The following SORBS2 variants were observed in gnomAD, a reference collection of about 807,000 sequenced individuals.
SORBS2 encodes sorbin and SH3 domain containing 2, also known as sorbin and SH3 domain-containing protein 2.
Under a neutral mutation model 97.7 loss-of-function variants are expected in SORBS2, and 46 were observed. The observed-to-expected ratio is 0.47, with a 90% confidence interval of 0.37 to 0.60. The LOEUF (loss-of-function observed/expected upper bound fraction) is 0.60. Ranked by LOEUF, SORBS2 falls within the 20% of genes least tolerant of loss-of-function variation. The pLI is 0.00. For synonymous variants in SORBS2, 476 were observed against 473.4 expected (o/e 1.01, Z -0.07); for missense variants, 1,316 against 1,282.3 (o/e 1.03, Z -0.40).
At chr4:185,752,911 A>G (rs898523293) in intron 2 of SORBS2, among the ~76,000 whole-genome samples, 4 of 152,242 alleles carry the variant, frequency 2.6e-5, no homozygotes, top group African/African-American at 9.6e-5. Flanking sequence ...GAAATATGGC[A>G]TGCCTATTAT....
chr4:185,877,867 C>CAAAAAAAAAA (rs1491116547), intron 1 of SORBS2, among the ~76,000 whole-genome samples: 1,404 of 50,086 alleles, frequency 0.028, 77 homozygotes, highest in Non-Finnish European at 0.042. Flanking sequence ...GAGACTCTGT[C>CAAAAAAAAAA]AAAAAACAAA....
intron 4 of SORBS2, among the ~76,000 whole-genome samples, chr4:185,644,639 T>C (rs1467335757): frequency 1.3e-5 from 2 of 152,130 alleles, no homozygotes; most frequent in African/African-American, 4.8e-5. Context: ...ATCTGTAACA[T>C]GGAAATGCCA....
intron 1 of SORBS2, among the ~76,000 whole-genome samples, chr4:185,895,371 G>T (rs769255813): frequency 1.3e-5 from 2 of 152,202 alleles, no homozygotes; most frequent in African/African-American, 2.4e-5. Flanking sequence ...AGAAGACCAG[G>T]TAAGTCTTCC....
intron 4 of SORBS2, 61 bp downstream of exon 14, chr4:185,638,816 G>A: frequency 1.4e-6 from 2 of 1,389,940 alleles, no homozygotes; most frequent in African/African-American, 1.5e-5. Flanking sequence ...CTCTGAGCAA[G>A]CAAGGGCTGC....
At chr4:185,688,795 C>A (rs1382535763) in intron 2 of SORBS2, among the ~76,000 whole-genome samples, 5 of 120,690 alleles carry the variant, frequency 4.1e-5, no homozygotes, top group Non-Finnish European at 8.2e-5. Flanking sequence ...TTTATAAAAA[C>A]ATTATAATTA....
chr4:185,722,498 G>A (rs2098523325), intron 2 of SORBS2, among the ~76,000 whole-genome samples: 1 of 152,132 alleles, frequency 6.6e-6, no homozygotes, highest in African/African-American at 2.4e-5. Flanking sequence ...ATTTTCAGAA[G>A]TGTGAAAACT....
chr4:185,827,181 A>C (rs867188457), intron 1 of SORBS2, among the ~76,000 whole-genome samples: 3,601 of 18,744 alleles, frequency 0.19, 68 homozygotes, highest in African/African-American at 0.34. Flanking sequence ...CCATCATCAG[A>C]ATCACCATCA....
At chr4:185,590,537 T>C (rs1283087493) in intron 13 of SORBS2, among the ~76,000 whole-genome samples, 1 of 152,188 alleles carries the variant, frequency 6.6e-6, no homozygotes, top group African/African-American at 2.4e-5. Context: ...CTTTTTAAAA[T>C]GAGTCCCAGA....
intron 1 of SORBS2, among the ~76,000 whole-genome samples, chr4:185,877,844 TG>T (rs1407457127): frequency 1.6e-5 from 2 of 127,690 alleles, no homozygotes; most frequent in East Asian, 4.4e-4. Context: ...CACTCCAGCC[TG>T]GGTGACAGAG....
chr4:185,822,398 G>A (rs1403736735), intron 1 of SORBS2, among the ~76,000 whole-genome samples: 1 of 152,218 alleles, frequency 6.6e-6, no homozygotes, highest in Admixed American at 6.5e-5. Flanking sequence ...CAGCACATCA[G>A]GAGAGATGGC....
intron 1 of SORBS2, among the ~76,000 whole-genome samples, chr4:185,892,673 A>G (rs955293406): frequency 1.3e-5 from 2 of 152,220 alleles, no homozygotes; most frequent in Non-Finnish European, 2.9e-5. Flanking sequence ...CAGACACAGA[A>G]GGAAAAATCC....
intron 1 of SORBS2, among the ~76,000 whole-genome samples, chr4:185,908,298 T>TACATATATTTGTATACACACAA: frequency 1.0e-5 from 1 of 95,348 alleles, no homozygotes; most frequent in African/African-American, 3.9e-5. Context: ...TATATATATA[T>TACATATATTTGTATACACACAA]ATATATATAT....
chr4:185,685,304 A>G (rs1177839245), intron 2 of SORBS2, among the ~76,000 whole-genome samples: 1 of 152,218 alleles, frequency 6.6e-6, no homozygotes, highest in Non-Finnish European at 1.5e-5. Flanking sequence ...TCTAGCTGTT[A>G]TAATTCCCAA....
At chr4:185,705,936 G>A (rs561400521) in intron 2 of SORBS2, among the ~76,000 whole-genome samples, 4 of 152,166 alleles carry the variant, frequency 2.6e-5, no homozygotes, top group Non-Finnish European at 5.9e-5. Flanking sequence ...TATGTCACTT[G>A]AGGAATCTCT....
chr4:185,902,325 A>T (rs2099248188), intron 1 of SORBS2, among the ~76,000 whole-genome samples: 1 of 152,184 alleles, frequency 6.6e-6, no homozygotes, highest in Non-Finnish European at 1.5e-5. Flanking sequence ...GATGAGTAAG[A>T]ATTAATTAAA....
At chr4:185,602,960 C>T (rs1344020429) in intron 12 of SORBS2, among the ~76,000 whole-genome samples, 2 of 152,150 alleles carry the variant, frequency 1.3e-5, no homozygotes, top group Non-Finnish European at 2.9e-5. Context: ...CAGAGAAAAT[C>T]ACTTTGATTT....
At chr4:185,644,188 T>A (rs1240062072) in intron 4 of SORBS2, among the ~76,000 whole-genome samples, 1 of 152,160 alleles carries the variant, frequency 6.6e-6, no homozygotes, top group Non-Finnish European at 1.5e-5. Flanking sequence ...TTTGGTTCTT[T>A]CTATTTCTCC....
chr4:185,942,517 A>G (rs2099272564), intron 1 of SORBS2, among the ~76,000 whole-genome samples: 1 of 151,996 alleles, frequency 6.6e-6, no homozygotes, highest in Admixed American at 6.5e-5. Flanking sequence ...TGCCCAGCTG[A>G]CTTTTGTATT....
intron 12 of SORBS2, among the ~76,000 whole-genome samples, chr4:185,600,591 G>A (rs1313718105): frequency 6.6e-6 from 1 of 152,100 alleles, no homozygotes; most frequent in South Asian, 2.1e-4. Context: ...TGCCTGCCTC[G>A]GGCTCCCAAA....
Sources: gnomAD v4.1 joint callset for allele counts (sites outside exome capture counted in the v4.1 genomes callset) on GRCh38, gnomAD v4.1.1 for gene constraint, MANE v1.5 for transcripts, NCBI Gene and HGNC (gene_info 2026-07-23, HGNC 2026-07-21) for gene names.